ANKRD17: variants seen among roughly 807,000 people sequenced by gnomAD.
ANKRD17 encodes ankyrin repeat domain-containing protein 17.
Under a neutral mutation model 229.7 loss-of-function variants are expected in ANKRD17, and 19 were observed. The ratio of observed to expected loss-of-function variants is 0.08; its 90% CI spans 0.06 to 0.12. The LOEUF is 0.12. Among genes scored for constraint, ANKRD17 ranks in the 10% least tolerant of loss-of-function variants. The pLI, the probability that ANKRD17 is intolerant of heterozygous loss-of-function variation, is 1.00. For synonymous variants in ANKRD17, 1,112 were observed against 1,146.1 expected (o/e 0.97, Z 0.60); for missense variants, 2,176 against 3,176.8 (o/e 0.68, Z 7.57).
chr4:73,112,537 A>C (rs951775047), intron 24 of ANKRD17: 6 of 397,942 alleles, frequency 1.5e-5, no homozygotes, highest in African/African-American at 2.2e-5. Context: ...CAAATTTTTA[A>C]AAATGAAGAG....
intron 1 of ANKRD17, among the ~76,000 whole-genome samples, chr4:73,215,510 A>T (rs1188532349): frequency 6.6e-6 from 1 of 152,192 alleles, no homozygotes; most frequent in Non-Finnish European, 1.5e-5. Context: ...CACCCATCTC[A>T]GCCTCCCAAA....
chr4:73,237,710 C>T lies in ANKRD17; in HGVS notation c.393+20566G>A, dbSNP rs150571786. Among the ~76,000 whole-genome samples the T allele has an allele frequency of 4.5e-3, 684 of 152,216 alleles. 2 individuals carry two copies. Among genetic ancestry groups the T allele is most frequent in the African/African-American group, 0.015 (632 of 41,512 alleles). ...TTATCTGCTAAGCCTATAGCAGAGA[C>T]GCCATAGGCATATGGTTTGCTTTCA... On this transcript the variant is annotated intron_variant, in intron 1 of 33. Coordinates refer to ENST00000358602, the MANE Select transcript of ANKRD17 (RefSeq NM_032217.5).
intron 1 of ANKRD17, among the ~76,000 whole-genome samples, chr4:73,185,614 A>G (rs1424226084): frequency 6.6e-6 from 1 of 152,076 alleles, no homozygotes; most frequent in Non-Finnish European, 1.5e-5. Context: ...ATTGATTTTT[A>G]GGACCAATTT....
chr4:73,152,499 G>T (rs1403716036), intron 6 of ANKRD17, among the ~76,000 whole-genome samples: 1 of 152,028 alleles, frequency 6.6e-6, no homozygotes, highest in South Asian at 2.1e-4. Flanking sequence ...GGAAGGGAAG[G>T]GGGTCCATGG....
rs1341957468 is a variant in ANKRD17, at chr4:73,076,991, G to A, written c.7701C>T (p.Asn2567=). Residue 2567 remains asparagine, a synonymous_variant, in exon 33 of 34, where the codon AAC becomes AAT. Coordinates refer to ENST00000358602, the MANE Select transcript of ANKRD17 (RefSeq NM_032217.5). ...NGPHAADPSW[N]SLIKMVSSST... The stretch of plus-strand genomic sequence containing the variant: ...AGCTGGAAACCATCTTTATCAGTGA[G>A]TTCCAAGAAGGGTCTGCAGCATGAG... 3 of 1,613,516 alleles carry A rather than the reference G, an allele frequency of 1.9e-6. No homozygotes were observed. The Admixed American group carries it at 5.0e-5, about 27-fold the overall frequency.
intron 5 of ANKRD17, 70 bp downstream of exon 5, chr4:73,155,561 C>G: frequency 1.3e-6 from 2 of 1,576,450 alleles, no homozygotes; most frequent in South Asian, 2.3e-5. Context: ...CTAAACATCA[C>G]TTTCATGCAA....
chr4:73,196,509 C>T lies in ANKRD17; in HGVS notation c.394-18976G>A, dbSNP rs547287313. Among the ~76,000 whole-genome samples, 152 of 152,280 alleles carry T rather than the reference C, an allele frequency of 1.0e-3. 1 individual carries two copies. Among genetic ancestry groups the T allele is most frequent in the Middle Eastern group, 3.4e-3 (1 of 294 alleles). On this transcript the variant is annotated intron_variant, in intron 1 of 33. Transcript: ENST00000358602. Reference sequence around the variant, plus strand: ...AATTCAAATATGTACCATATATACACGTATGTGTATGTTTATATACATATA... The same window carrying T: ...AATTCAAATATGTACCATATATACATGTATGTGTATGTTTATATACATATA...
chr4:73,213,946 A>T (rs1212154238), intron 1 of ANKRD17, among the ~76,000 whole-genome samples: 1 of 152,224 alleles, frequency 6.6e-6, no homozygotes, highest in Non-Finnish European at 1.5e-5. Flanking sequence ...CAAAAAAAAT[A>T]CTCAAATTTG....
rs1720937161 is a variant in ANKRD17, at chr4:73,075,431, A to G, written c.*800T>C. On this transcript the variant is annotated 3_prime_UTR_variant, in exon 34 of 34. Transcript: ENST00000358602. ...TTGACAGAACCTTTTCACTATCAGAAAGATAATTTTACTGGTATTAGTGGT... is the reference window on the plus strand; with the variant it reads ...TTGACAGAACCTTTTCACTATCAGAGAGATAATTTTACTGGTATTAGTGGT... 6.6e-6 allele frequency: 1 copy of G among 152,420 alleles called. No individual in the cohort carries two copies. The highest frequency in any genetic ancestry group is 2.1e-4 in the South Asian group (1 of 4,832). The allele number at this position is 152,420 out of a possible 1,614,324, so 9.4% of individuals were successfully genotyped here.
intron 3 of ANKRD17, among the ~76,000 whole-genome samples, chr4:73,156,518 G>A (rs1161480198): frequency 6.6e-6 from 1 of 152,170 alleles, no homozygotes; most frequent in Non-Finnish European, 1.5e-5. Flanking sequence ...AAGGGACCTG[G>A]TGGGAGATGA....
In ANKRD17 at chr4:73,098,833, G is replaced by C; in HGVS notation, c.4574-313C>G. On this transcript the variant is annotated intron_variant, in intron 25 of 33. Transcript: ENST00000358602. ...TTAGAGAAGGGAAGATGAGTGAGTC[G>C]AGCTTGAAGTCCAGCCAGCCCTTGG... The C allele has an allele frequency of 2.0e-6, 3 of 1,526,736 alleles. No individual in the cohort carries two copies. In the Admixed American group the frequency reaches 5.1e-5, roughly 26 times the overall value. 94.6% of individuals were successfully genotyped at this position (1,526,736 alleles called of 1,614,324 possible). A position where few individuals can be genotyped will look rare whatever the true frequency, so the allele number is the denominator to read the frequency against.
intron 1 of ANKRD17, among the ~76,000 whole-genome samples, chr4:73,230,726 G>C (rs1553943426): frequency 6.6e-6 from 1 of 152,132 alleles, no homozygotes; most frequent in South Asian, 2.1e-4. Context: ...TGAAATACAA[G>C]CATAGTCTTG....
intron 2 of ANKRD17, among the ~76,000 whole-genome samples, chr4:73,165,470 C>T (rs1346627947): frequency 6.6e-6 from 1 of 152,194 alleles, no homozygotes; most frequent in Non-Finnish European, 1.5e-5. Flanking sequence ...TTCCCACTGT[C>T]AGCTCCCACT....
In ANKRD17 at chr4:73,075,637, GATA is replaced by G. The variant is rs1720948233; in HGVS notation, c.*591_*593del. On this transcript the variant is annotated 3_prime_UTR_variant, in exon 34 of 34. Coordinates refer to ENST00000358602, the MANE Select transcript of ANKRD17 (RefSeq NM_032217.5). ...AAGCCAATGTGGGGAAACATCCAAT[GATA>G]ATGCCCATTATTTTACTTTATACTT... 6.6e-6 allele frequency: 1 copy of G among 152,576 alleles called. No individual in the cohort carries two copies. The highest frequency in any genetic ancestry group is 2.1e-4 in the South Asian group (1 of 4,832). 9.5% of individuals were successfully genotyped at this position (152,576 alleles called of 1,614,324 possible). A position where few individuals can be genotyped will look rare whatever the true frequency, so the allele number is the denominator to read the frequency against.
intron 29 of ANKRD17, among the ~76,000 whole-genome samples, chr4:73,089,587 A>T (rs555211022): frequency 1.4e-4 from 22 of 152,334 alleles, no homozygotes; most frequent in African/African-American, 4.6e-4. Context: ...AGTTAGTAGT[A>T]CTACACCAAT....
At chr4:73,149,896 T>C (rs756695689) in intron 7 of ANKRD17, among the ~76,000 whole-genome samples, 2 of 152,066 alleles carry the variant, frequency 1.3e-5, no homozygotes, top group Non-Finnish European at 2.9e-5. Flanking sequence ...GAAAATTCTA[T>C]ATTCTGTCTT....
chr4:73,206,737 A>C (rs529377462), intron 1 of ANKRD17, among the ~76,000 whole-genome samples: 1 of 152,324 alleles, frequency 6.6e-6, no homozygotes, highest in East Asian at 1.9e-4. Context: ...TCAGTTAAGA[A>C]GAAGAAGAAG....
chr4:73,092,441 A>C, intron 28 of ANKRD17, 141 bp from the exon 29 acceptor site: 1 of 695,366 alleles, frequency 1.4e-6, no homozygotes, highest in Non-Finnish European at 2.3e-6. Flanking sequence ...AAGGACAGAT[A>C]ACAAAAGCTG....
At position 73,142,453 on chromosome 4, in the gene ANKRD17, G is replaced by A. The variant is rs929371075; in HGVS notation, c.2086-68C>T. ...TAAGTTAGTTTACAGAATCACTTAG[G>A]AAGATAAAGCCAACAGGTCCCAGAC... On this transcript the variant is annotated intron_variant, in intron 12 of 33. Transcript: ENST00000358602. 1.0e-5 allele frequency: 16 copies of A among 1,575,594 alleles called. No homozygotes were observed. In the East Asian group the frequency reaches 3.1e-4, roughly 31 times the overall value.
Sources: allele counts gnomAD v4.1 joint callset (sites outside exome capture counted in the v4.1 genomes callset), GRCh38; gene constraint gnomAD v4.1.1; transcripts MANE v1.5; gene names NCBI Gene and HGNC (gene_info 2026-07-23, HGNC 2026-07-21).